The following PPM1H variants were observed in gnomAD, a reference collection of about 807,000 sequenced individuals.
PPM1H encodes protein phosphatase, Mg2+/Mn2+ dependent 1H, also known as protein phosphatase 1H.
Under a neutral mutation model 54.9 loss-of-function variants are expected in PPM1H, and 27 were observed. The observed-to-expected ratio is 0.49, with a 90% CI of 0.36 to 0.68. The LOEUF (loss-of-function observed/expected upper bound fraction) is 0.68, where lower values mean the gene tolerates loss of function less well. PPM1H is among the 30% of genes least tolerant of loss of function. PPM1H has a pLI of 0.00. For synonymous variants in PPM1H, 305 were observed against 270.8 expected, an observed-to-expected ratio of 1.13 and a Z score of -1.24; for missense variants, 596 against 667.8, an observed-to-expected ratio of 0.89 and a Z score of 1.19.
intron 6 of PPM1H, among the ~76,000 whole-genome samples, chr12:62,717,701 A>C (rs1265932668): frequency 6.6e-6 from 1 of 152,202 alleles, no homozygotes; most frequent in African/African-American, 2.4e-5. Flanking sequence ...ACAAAAGCAG[A>C]GCTTCCAGGG....
At chr12:62,666,586 A>G (rs1379158653) in intron 9 of PPM1H, among the ~76,000 whole-genome samples, 1 of 152,224 alleles carries the variant, frequency 6.6e-6, no homozygotes, top group Non-Finnish European at 1.5e-5. Flanking sequence ...TCTACTTTAG[A>G]GGATAGCTTA....
intron 8 of PPM1H, among the ~76,000 whole-genome samples, chr12:62,671,439 G>T (rs2075956262): frequency 6.6e-6 from 1 of 152,206 alleles, no homozygotes; most frequent in South Asian, 2.1e-4. Context: ...GTGTGGACCT[G>T]CCTTTCTGCT....
At position 62,801,879 on chromosome 12, in the gene PPM1H, G is replaced by T. The variant is rs767395341; in HGVS notation, c.693C>A (p.Thr231=). ...GGCACTCATGGGGAATCTTCTTCTC[G>T]GTAAAGAAGCGTGTGGGGGGCGTGC... ...SPSTPPTRFF[T]EKKIPHECLV... The change falls in exon 3 of 10, where the codon ACC becomes ACA. Residue 231 remains threonine, a synonymous_variant. Coordinates refer to ENST00000228705, the MANE Select transcript of PPM1H (RefSeq NM_020700.2). 79 of 1,613,730 alleles carry T rather than the reference G, an allele frequency of 4.9e-5. No individual in the cohort carries two copies. Among genetic ancestry groups the T allele is most frequent in the Non-Finnish European group, 6.6e-5 (78 of 1,179,786 alleles).
intron 2 of PPM1H, among the ~76,000 whole-genome samples, chr12:62,823,306 A>G (rs2076915724): frequency 6.6e-6 from 1 of 152,216 alleles, no homozygotes; most frequent in South Asian, 2.1e-4. Flanking sequence ...GCCAAATTCT[A>G]CCAGAGGTAC....
intron 8 of PPM1H, among the ~76,000 whole-genome samples, chr12:62,687,219 G>C (rs2136634656): frequency 6.6e-6 from 1 of 152,262 alleles, no homozygotes; most frequent in Non-Finnish European, 1.5e-5. Flanking sequence ...ATAAAGCCTG[G>C]CTGTTCAATC....
intron 1 of PPM1H, among the ~76,000 whole-genome samples, chr12:62,832,668 C>T (rs1868386711): frequency 1.3e-5 from 2 of 152,060 alleles, no homozygotes; most frequent in South Asian, 4.1e-4. Context: ...TTCACTTCTC[C>T]AAGTGATAAA....
chr12:62,934,558 T>C lies in PPM1H; in HGVS notation c.179A>G (p.His60Arg). ...SQDEVECSAD[H>R]IARPILILKE... ...GAGGATGAGGATGGGGCGGGCGATG[T>C]GGTCGGCGCTGCACTCCACCTCGTC... Residue 60 changes from histidine (H) to arginine (R), a missense_variant, in exon 1 of 10, where the codon CAC becomes CGC. His to Arg is a conservative substitution (Grantham distance 29). Transcript: ENST00000228705. This position sits in a 1 kb window ranked among gnomAD's most constrained non-coding sequence, Gnocchi z 4.2. 6.4e-7 allele frequency: 1 copy of C among 1,553,238 alleles called. No homozygotes were observed. The highest frequency in any genetic ancestry group is 1.2e-5 in the South Asian group (1 of 84,290).
intron 8 of PPM1H, among the ~76,000 whole-genome samples, chr12:62,667,947 G>A (rs1324431965): frequency 6.6e-6 from 1 of 152,142 alleles, no homozygotes; most frequent in East Asian, 1.9e-4. Context: ...CTCACATAAG[G>A]ATGGGGGCTC....
At chr12:62,681,118 T>A (rs2076017027) in intron 8 of PPM1H, among the ~76,000 whole-genome samples, 1 of 152,166 alleles carries the variant, frequency 6.6e-6, no homozygotes. Context: ...ACCAAACCAA[T>A]CTAACTTTAT....
intron 2 of PPM1H, among the ~76,000 whole-genome samples, chr12:62,820,327 C>T (rs547772747): frequency 4.6e-5 from 7 of 152,300 alleles, no homozygotes; most frequent in Middle Eastern, 3.4e-3. Flanking sequence ...GAGGGCAGGG[C>T]GTAGATGAAC....
chr12:62,736,513 C>T (rs1481703532), intron 5 of PPM1H, among the ~76,000 whole-genome samples: 3 of 152,016 alleles, frequency 2.0e-5, no homozygotes, highest in African/African-American at 4.8e-5. Context: ...GTCTTATACA[C>T]CAAATAAGTA....
intron 8 of PPM1H, among the ~76,000 whole-genome samples, chr12:62,675,057 C>T (rs953442545): frequency 6.6e-6 from 1 of 152,210 alleles, no homozygotes; most frequent in South Asian, 2.1e-4. Context: ...TCCAGTGACA[C>T]TGAAGTGTTA....
chr12:62,671,670 G>A (rs1455954453), intron 8 of PPM1H, among the ~76,000 whole-genome samples: 2 of 152,198 alleles, frequency 1.3e-5, no homozygotes, highest in African/African-American at 4.8e-5. Context: ...TGAGGTCATG[G>A]TGGACCTCTC....
chr12:62,713,023 G>A (rs141656226), intron 6 of PPM1H, among the ~76,000 whole-genome samples: 1 of 152,200 alleles, frequency 6.6e-6, no homozygotes, highest in Non-Finnish European at 1.5e-5. Flanking sequence ...CACTGTCAGA[G>A]GGCATTGAAG....
intron 1 of PPM1H, among the ~76,000 whole-genome samples, chr12:62,892,653 AC>A (rs1485630016): frequency 6.6e-6 from 1 of 152,220 alleles, no homozygotes. Flanking sequence ...ATATGTGTTT[AC>A]CAACAGTATA....
At chr12:62,654,611 G>A (rs1019012876) in intron 9 of PPM1H, among the ~76,000 whole-genome samples, 11 of 152,118 alleles carry the variant, frequency 7.2e-5, no homozygotes, top group Non-Finnish European at 8.8e-5. Context: ...ACTTCCCTTC[G>A]TTCCTCCTCT....
At chr12:62,685,952 A>G (rs778757303) in intron 8 of PPM1H, among the ~76,000 whole-genome samples, 2 of 152,234 alleles carry the variant, frequency 1.3e-5, no homozygotes, top group African/African-American at 4.8e-5. Flanking sequence ...GTTAATAACA[A>G]TTAGTTTTAT....
intron 1 of PPM1H, chr12:62,840,079 G>GAGAC (rs1451393497): frequency 7.9e-6 from 1 of 126,564 alleles, no homozygotes; most frequent in Non-Finnish European, 1.6e-5. Flanking sequence ...GAGAGAGAGA[G>GAGAC]AGAGAGCGAG....
At chr12:62,925,901 T>C (rs1272148051) in intron 1 of PPM1H, among the ~76,000 whole-genome samples, 3 of 152,232 alleles carry the variant, frequency 2.0e-5, no homozygotes, top group Non-Finnish European at 4.4e-5. Flanking sequence ...TTCATCTGTC[T>C]TCTAATATGT....
Sources: allele counts gnomAD v4.1 joint callset (sites outside exome capture counted in the v4.1 genomes callset), GRCh38; gene constraint gnomAD v4.1.1; non-coding constraint Gnocchi (gnomAD v3.1); transcripts MANE v1.5; gene names NCBI Gene and HGNC (gene_info 2026-07-23, HGNC 2026-07-21).